Variants in NALF1 observed in about 807,000 individuals in gnomAD.
NALF1 encodes the protein family with sequence similarity 155 member A.
NALF1 carries 3 observed loss-of-function variants against 48.4 expected under a neutral mutation model. The observed-to-expected ratio is 0.06, with a 90% CI of 0.03 to 0.16. NALF1 has a LOEUF of 0.16. Among genes scored for constraint, NALF1 ranks in the 10% least tolerant of loss-of-function variants. NALF1 has a pLI of 1.00. For missense variants in NALF1, 526 were observed against 571.5 expected, an observed-to-expected ratio of 0.92 and a Z score of 0.81; for synonymous variants, 262 against 245.7, an observed-to-expected ratio of 1.07 and a Z score of -0.62.
intron 1 of NALF1, among the ~76,000 whole-genome samples, chr13:107,543,046 A>G (rs1484784670): frequency 1.3e-5 from 2 of 152,098 alleles, no homozygotes; most frequent in African/African-American, 4.8e-5. Flanking sequence ...AAAGACCCTT[A>G]ATTCATTCAG....
chr13:107,337,146 T>G (rs1365056259), intron 1 of NALF1, among the ~76,000 whole-genome samples: 1 of 150,990 alleles, frequency 6.6e-6, no homozygotes, highest in African/African-American at 2.5e-5. Flanking sequence ...TGTAAGTATC[T>G]GGGTGGTCAG....
intron 1 of NALF1, among the ~76,000 whole-genome samples, chr13:107,252,328 T>C (rs766990146): frequency 6.7e-6 from 1 of 149,970 alleles, no homozygotes; most frequent in African/African-American, 2.5e-5. Flanking sequence ...ACGTGGAGAG[T>C]TGCTTCTCCT....
intron 1 of NALF1, among the ~76,000 whole-genome samples, chr13:107,226,631 G>A (rs1880113432): frequency 6.6e-6 from 1 of 152,138 alleles, no homozygotes; most frequent in African/African-American, 2.4e-5. Flanking sequence ...TCAACGCACA[G>A]CAATATAAAT....
intron 1 of NALF1, among the ~76,000 whole-genome samples, chr13:107,620,520 C>A (rs1403915137): frequency 6.6e-6 from 1 of 152,140 alleles, no homozygotes; most frequent in African/African-American, 2.4e-5. Flanking sequence ...GGGATGTGTT[C>A]CCTATGCCTG....
chr13:107,793,214 C>A (rs549508260), intron 1 of NALF1, among the ~76,000 whole-genome samples: 1 of 152,248 alleles, frequency 6.6e-6, no homozygotes, highest in Non-Finnish European at 1.5e-5. Context: ...TTTATTTCAA[C>A]AGGATAGCAG....
At chr13:107,279,763 C>G (rs1250651286) in intron 1 of NALF1, among the ~76,000 whole-genome samples, 3 of 152,144 alleles carry the variant, frequency 2.0e-5, no homozygotes, top group Non-Finnish European at 4.4e-5. Flanking sequence ...ATCTCTTTCT[C>G]CTTTTCTATC....
chr13:107,353,268 A>G lies in NALF1; in HGVS notation c.916-142513T>C, dbSNP rs561936993. ...AATAAATTTGTATCCCTTTTCTTCT[A>G]TGAATTTGCCTTATGTCAGTTTTTT... is the stretch of plus-strand genomic sequence containing the variant. On this transcript the variant is annotated intron_variant, in intron 1 of 2. Transcript: ENST00000375915. Among the ~76,000 whole-genome samples, 64 of 152,330 alleles carry G rather than the reference A, an allele frequency of 4.2e-4. 2 individuals carry two copies. The South Asian group carries it at 0.013, about 31-fold the overall frequency.
intron 1 of NALF1, among the ~76,000 whole-genome samples, chr13:107,781,740 AT>A (rs1566479294): frequency 6.6e-6 from 1 of 151,710 alleles, no homozygotes; most frequent in African/African-American, 2.4e-5. Context: ...TGTCACTGCT[AT>A]ACGCCTCTAA....
At chr13:107,381,992 TCTGCAA>T (rs199951905) in intron 1 of NALF1, among the ~76,000 whole-genome samples, 2,313 of 152,270 alleles carry the variant, frequency 0.015, 56 homozygotes, top group African/African-American at 0.053. Flanking sequence ...ACAGGAGTCA[TCTGCAA>T]ATTCTCTTTT....
chr13:107,532,862 A>G (rs1371875521), intron 1 of NALF1, among the ~76,000 whole-genome samples: 1 of 152,146 alleles, frequency 6.6e-6, no homozygotes, highest in African/African-American at 2.4e-5. Flanking sequence ...TTGCAATTAT[A>G]TTAACTGAAG....
chr13:107,685,630 A>G (rs1390118988), intron 1 of NALF1, among the ~76,000 whole-genome samples: 1 of 152,210 alleles, frequency 6.6e-6, no homozygotes, highest in Non-Finnish European at 1.5e-5. Context: ...CATGGAATAT[A>G]TTGATTTTAA....
chr13:107,666,505 G>C (rs146886772), intron 1 of NALF1, among the ~76,000 whole-genome samples: 1 of 152,016 alleles, frequency 6.6e-6, no homozygotes, highest in Non-Finnish European at 1.5e-5. Context: ...AGGTGCCACC[G>C]TTTTGGCACC....
intron 1 of NALF1, among the ~76,000 whole-genome samples, chr13:107,409,909 G>T (rs948591973): frequency 6.6e-6 from 1 of 152,134 alleles, no homozygotes; most frequent in African/African-American, 2.4e-5. Context: ...GCCCATAGCT[G>T]CATAGTTCAG....
At chr13:107,561,997 C>A (rs1469553145) in intron 1 of NALF1, among the ~76,000 whole-genome samples, 2 of 152,214 alleles carry the variant, frequency 1.3e-5, no homozygotes, top group African/African-American at 4.8e-5. Context: ...CCTGCTTTGT[C>A]ATCCCTTGAA....
At chr13:107,322,381 C>G (rs72650538) in intron 1 of NALF1, among the ~76,000 whole-genome samples, 6,920 of 152,218 alleles carry the variant, frequency 0.045, 236 homozygotes, top group East Asian at 0.19. Context: ...TGGCATCAGA[C>G]AGCATATGCT....
At chr13:107,185,582 C>G (rs1470094115) in intron 2 of NALF1, among the ~76,000 whole-genome samples, 2 of 151,960 alleles carry the variant, frequency 1.3e-5, no homozygotes. Flanking sequence ...ATCAATATCA[C>G]CAATATTGAG....
chr13:107,440,546 G>A (rs1325377191), intron 1 of NALF1, among the ~76,000 whole-genome samples: 1 of 152,168 alleles, frequency 6.6e-6, no homozygotes, highest in Non-Finnish European at 1.5e-5. Flanking sequence ...TGAGTTTTGA[G>A]AGAAAGAGAA....
chr13:107,834,124 A>AT (rs1879822483), intron 1 of NALF1, among the ~76,000 whole-genome samples: 1 of 152,186 alleles, frequency 6.6e-6, no homozygotes, highest in Non-Finnish European at 1.5e-5. Context: ...GTTATATAGC[A>AT]TTTGCTTTGT....
chr13:107,249,383 A>C (rs989745369), intron 1 of NALF1, among the ~76,000 whole-genome samples: 2 of 152,166 alleles, frequency 1.3e-5, no homozygotes, highest in African/African-American at 4.8e-5. Flanking sequence ...TATCTCAAAA[A>C]CTTACATCTC....
Sources: gnomAD v4.1 joint callset for allele counts (sites outside exome capture counted in the v4.1 genomes callset) on GRCh38, gnomAD v4.1.1 for gene constraint, MANE v1.5 for transcripts, NCBI Gene and HGNC (gene_info 2026-07-23, HGNC 2026-07-21) for gene names.